PGGT1B: variants seen among roughly 807,000 people sequenced by gnomAD.
The protein encoded by PGGT1B is protein geranylgeranyltransferase type I subunit beta.
In PGGT1B, 30 loss-of-function variants were observed where a neutral mutation model predicts 46.1. The ratio of observed to expected loss-of-function variants is 0.65; its 90% CI spans 0.49 to 0.88. The LOEUF (loss-of-function observed/expected upper bound fraction) is 0.88, where lower values mean the gene tolerates loss of function less well. PGGT1B is among the 40% of genes least tolerant of loss of function. PGGT1B has a pLI of 0.00. For synonymous variants in PGGT1B, 170 were observed against 160.0 expected (o/e 1.06, Z -0.47); for missense variants, 376 against 455.9 (o/e 0.82, Z 1.60).
rs1756000147 is a variant in PGGT1B at position 115,204,328 on chromosome 5, T to G, written c.*8074A>C. ...GGAGGTCTAAGGTACCGCCAGAGAA[T>G]CTGCACTTTCTAACGAGTACCCAGG... On this transcript the variant is annotated 3_prime_UTR_variant, in exon 9 of 9. Transcript: ENST00000419445. 6.6e-6 allele frequency: 1 copy of G among 152,150 alleles called. No individual in the cohort carries two copies. The highest frequency in any genetic ancestry group is 2.4e-5 in the African/African-American group (1 of 41,428). 9.4% of individuals were successfully genotyped at this position (152,150 alleles called of 1,614,324 possible).
chr5:115,220,570 T>C (rs1035594291), intron 7 of PGGT1B, among the ~76,000 whole-genome samples: 8 of 151,952 alleles, frequency 5.3e-5, no homozygotes, highest in Middle Eastern at 3.2e-3. Context: ...GTGAACTGTA[T>C]ACTTACAAAT....
chr5:115,216,482 G>A (rs1276023846), intron 8 of PGGT1B, among the ~76,000 whole-genome samples: 1 of 152,090 alleles, frequency 6.6e-6, no homozygotes, highest in Non-Finnish European at 1.5e-5. Flanking sequence ...ATTCCCTTCA[G>A]GATTGGGAGT....
chr5:115,227,844 T>C (rs950308312), intron 6 of PGGT1B, among the ~76,000 whole-genome samples: 1 of 152,224 alleles, frequency 6.6e-6, no homozygotes, highest in Admixed American at 6.5e-5. Flanking sequence ...AGACTGTATG[T>C]AAAGTATCAG....
chr5:115,252,152 G>T (rs1748129671), intron 2 of PGGT1B, among the ~76,000 whole-genome samples: 1 of 151,992 alleles, frequency 6.6e-6, no homozygotes, highest in African/African-American at 2.4e-5. Context: ...ACTTATACAT[G>T]CTTTCATTGG....
At chr5:115,244,649 G>A (rs553327644) in intron 2 of PGGT1B, among the ~76,000 whole-genome samples, 3 of 151,832 alleles carry the variant, frequency 2.0e-5, no homozygotes, top group Non-Finnish European at 4.4e-5. Context: ...TGGACTGCAG[G>A]GGCATGATCT....
rs1446813836 is a variant in PGGT1B, at chr5:115,250,711, C to G, written c.259+2426G>C. The stretch of plus-strand genomic sequence containing the variant: ...GTACTCCTATAATAATTAAAAAGCT[C>G]CATGAACTTTTTCAAAATAAACTCA... On this transcript the variant is annotated intron_variant, in intron 2 of 8. Transcript: ENST00000419445. 1.2e-4 allele frequency among the ~76,000 whole-genome samples: 19 copies of G among 152,194 alleles called. 1 individual carries two copies. Among genetic ancestry groups the G allele is most frequent in the Admixed American group, 8.5e-4 (13 of 15,278 alleles).
intron 5 of PGGT1B, among the ~76,000 whole-genome samples, chr5:115,233,545 GAAA>G (rs202078462): frequency 7.6e-6 from 1 of 131,876 alleles, no homozygotes. Context: ...AAAAAAGAAG[GAAA>G]AAAAAAAAAA....
chr5:115,238,521 CT>C (rs1561479625), intron 3 of PGGT1B, among the ~76,000 whole-genome samples: 3 of 151,528 alleles, frequency 2.0e-5, no homozygotes, highest in Middle Eastern at 3.2e-3. Context: ...TAATTTAAGT[CT>C]TATAAAGTCA....
intron 1 of PGGT1B, among the ~76,000 whole-genome samples, chr5:115,253,981 T>G (rs1398054554): frequency 1.3e-5 from 2 of 152,052 alleles, no homozygotes; most frequent in African/African-American, 2.4e-5. Flanking sequence ...TGAGAAGCAG[T>G]CTCTAGTATA....
At chr5:115,240,345 T>C (rs1757311435) in intron 3 of PGGT1B, among the ~76,000 whole-genome samples, 1 of 152,206 alleles carries the variant, frequency 6.6e-6, no homozygotes, top group Admixed American at 6.5e-5. Context: ...TAAAGCACTG[T>C]AACAAATATA....
intron 6 of PGGT1B, among the ~76,000 whole-genome samples, chr5:115,230,271 T>C (rs1209063295): frequency 6.6e-6 from 1 of 152,018 alleles, no homozygotes; most frequent in Non-Finnish European, 1.5e-5. Flanking sequence ...GGGATGGAGA[T>C]AACAAATAAT....
Position 115,236,445 on chromosome 5 carries a change from T to C in PGGT1B, c.557A>G (p.Asn186Ser), listed in dbSNP as rs761030507. The change falls in exon 5 of 9, where the codon AAC becomes AGC. Residue 186 changes from asparagine to serine, a missense_variant. Coordinates refer to ENST00000419445, the MANE Select transcript of PGGT1B (RefSeq NM_005023.4). ...YCASCICYML[N>S]NWSGMDMKKA... ...TTTCATATCCATGCCTGACCAGTTG[T>C]TGAGCATATAGCAAATACAGGAAGC... 8 of 1,599,244 alleles carry C rather than the reference T, an allele frequency of 5.0e-6. No individual in the cohort carries two copies. The highest frequency in any genetic ancestry group is 3.4e-6 in the Non-Finnish European group (4 of 1,173,638).
At chr5:115,222,134 A>C (rs961105890) in intron 6 of PGGT1B, 126 bp from the exon 7 acceptor site, 2 of 511,968 alleles carry the variant, frequency 3.9e-6, no homozygotes, top group African/African-American at 2.0e-5. Flanking sequence ...TTTAAATTTA[A>C]AAGATGAGAT....
At chr5:115,256,872 G>A (rs111706220) in intron 1 of PGGT1B, among the ~76,000 whole-genome samples, 8 of 152,242 alleles carry the variant, frequency 5.3e-5, no homozygotes, top group African/African-American at 1.7e-4. Context: ...GTAATTGTGC[G>A]AACACACGCA....
chr5:115,242,736 G>A (rs1281298949), intron 2 of PGGT1B, among the ~76,000 whole-genome samples: 1 of 152,176 alleles, frequency 6.6e-6, no homozygotes, highest in African/African-American at 2.4e-5. Context: ...GGAGGCAGAG[G>A]AGGGCGGATC....
chr5:115,218,125 A>T (rs1183859076), intron 7 of PGGT1B, among the ~76,000 whole-genome samples: 2 of 151,860 alleles, frequency 1.3e-5, no homozygotes, highest in African/African-American at 4.8e-5. Flanking sequence ...ACTAACTATA[A>T]CGGGTAACAA....
chr5:115,253,273 A>G lies in PGGT1B; in HGVS notation c.141-18T>C. 6.4e-7 allele frequency: 1 copy of G among 1,567,046 alleles called. No individual in the cohort carries two copies. The stretch of plus-strand genomic sequence containing the variant: ...TTGTCAACCTAAAAGAAAAAAATGT[A>G]AAATTCCATCTTAACTATCATACCA... On this transcript the variant is annotated intron_variant, in intron 1 of 8. Transcript: ENST00000419445.
chr5:115,243,449 A>G (rs1757411539), intron 2 of PGGT1B, among the ~76,000 whole-genome samples: 1 of 152,232 alleles, frequency 6.6e-6, no homozygotes, highest in Non-Finnish European at 1.5e-5. Flanking sequence ...GGATCCAAAA[A>G]TAAATGTGCA....
intron 6 of PGGT1B, among the ~76,000 whole-genome samples, chr5:115,222,460 T>C (rs759356900): frequency 5.9e-5 from 9 of 152,146 alleles, no homozygotes; most frequent in Non-Finnish European, 8.8e-5. Context: ...GATATACAGA[T>C]ACTACAACTA....
Sources: allele counts gnomAD v4.1 joint callset (sites outside exome capture counted in the v4.1 genomes callset), GRCh38; gene constraint gnomAD v4.1.1; transcripts MANE v1.5; gene names NCBI Gene and HGNC (gene_info 2026-07-23, HGNC 2026-07-21).